MGLL: variants seen among roughly 807,000 people sequenced by gnomAD.
The protein encoded by MGLL is lysophospholipase homolog.
MGLL carries 7 observed loss-of-function variants against 29.1 expected under a neutral mutation model. That is an observed-to-expected ratio of 0.24 (90% confidence interval 0.14 to 0.45). The LOEUF (loss-of-function observed/expected upper bound fraction) is 0.45, where lower values mean the gene tolerates loss of function less well. Ranked by LOEUF, MGLL falls within the 20% of genes least tolerant of loss-of-function variation. MGLL has a pLI of 0.99. For missense variants in MGLL, 356 were observed against 413.6 expected (o/e 0.86, Z 1.21); for synonymous variants, 148 against 168.3 (o/e 0.88, Z 0.93).
chr3:127,817,925 T>A (rs778231057), intron 2 of MGLL, among the ~76,000 whole-genome samples: 3 of 152,264 alleles, frequency 2.0e-5, no homozygotes, highest in Non-Finnish European at 4.4e-5. Context: ...GCCGTGCTGA[T>A]AGCATCAGTG....
Position 127,734,194 on chromosome 3 carries a change from T to C in MGLL, c.263-11628A>G, listed in dbSNP as rs1393549794. Among the ~76,000 whole-genome samples the C allele has an allele frequency of 3.3e-5, 5 of 152,318 alleles. No individual in the cohort carries two copies. In the East Asian group the frequency reaches 7.7e-4, roughly 23 times the overall value. On this transcript the variant is annotated intron_variant, in intron 3 of 7. Coordinates refer to ENST00000265052, the MANE Select transcript of MGLL (RefSeq NM_007283.7). Reference sequence around the variant, plus strand: ...AATCTACCTTGACCGGGTCTCACTTTCATAACCAGAGGAAAGACGCAACAT... The same window carrying C: ...AATCTACCTTGACCGGGTCTCACTTCCATAACCAGAGGAAAGACGCAACAT...
chr3:127,808,176 T>C (rs2077602862), intron 2 of MGLL, among the ~76,000 whole-genome samples: 1 of 152,216 alleles, frequency 6.6e-6, no homozygotes, highest in Non-Finnish European at 1.5e-5. Context: ...GATGATTCTT[T>C]CAGTTGTGAC....
chr3:127,732,290 T>C (rs979840570), intron 3 of MGLL, among the ~76,000 whole-genome samples: 2 of 152,234 alleles, frequency 1.3e-5, no homozygotes, highest in African/African-American at 4.8e-5. Flanking sequence ...GTTTCATTTG[T>C]TCCCCACAAG....
intron 3 of MGLL, among the ~76,000 whole-genome samples, chr3:127,740,348 G>A (rs1446322739): frequency 6.6e-6 from 1 of 152,064 alleles, no homozygotes. Context: ...CCCACCCCCT[G>A]GCAACCACCA....
At chr3:127,799,245 T>C (rs2077437229) in intron 2 of MGLL, among the ~76,000 whole-genome samples, 1 of 152,142 alleles carries the variant, frequency 6.6e-6, no homozygotes, top group Non-Finnish European at 1.5e-5. Flanking sequence ...TTGACATAAG[T>C]AGCCTGAGCA....
intron 5 of MGLL, among the ~76,000 whole-genome samples, chr3:127,717,891 G>A (rs1458383394): frequency 6.6e-6 from 1 of 152,198 alleles, no homozygotes; most frequent in African/African-American, 2.4e-5. Context: ...CGAGCCGCGA[G>A]CCATGGTGAA....
chr3:127,818,505 A>G lies in MGLL; in HGVS notation c.155+3189T>C, dbSNP rs186624993. Reference sequence around the variant, plus strand: ...GCTACAGATGTGTACCACGGAACCCAGCTGATTTCCCACCTTTGATATATT... The same window carrying G: ...GCTACAGATGTGTACCACGGAACCCGGCTGATTTCCCACCTTTGATATATT... On this transcript the variant is annotated intron_variant, in intron 2 of 7. Coordinates refer to ENST00000265052, the MANE Select transcript of MGLL (RefSeq NM_007283.7). Among the ~76,000 whole-genome samples, 15 of 152,254 alleles carry G rather than the reference A, an allele frequency of 9.9e-5. No homozygotes were observed. In the East Asian group the frequency reaches 1.9e-3, roughly 20 times the overall value.
chr3:127,793,446 C>T (rs963638589), intron 2 of MGLL, among the ~76,000 whole-genome samples: 5 of 152,234 alleles, frequency 3.3e-5, no homozygotes, highest in African/African-American at 1.2e-4. Context: ...GGGCTAAGGG[C>T]TCTCTATTCA....
At chr3:127,723,624 C>G (rs958726459) in intron 3 of MGLL, among the ~76,000 whole-genome samples, 1 of 152,184 alleles carries the variant, frequency 6.6e-6, no homozygotes, top group Admixed American at 6.5e-5. Context: ...AGCACTCCCC[C>G]TTTCCTTGCC....
At chr3:127,704,378 G>T (rs969684083) in intron 6 of MGLL, among the ~76,000 whole-genome samples, 3 of 152,142 alleles carry the variant, frequency 2.0e-5, no homozygotes, top group Admixed American at 6.5e-5. Flanking sequence ...ATTAACAAAT[G>T]GTATCTAATT....
In MGLL at chr3:127,708,195, G is replaced by A. The variant is rs761164413; in HGVS notation, c.600+2381C>T. Among the ~76,000 whole-genome samples the A allele has an allele frequency of 2.0e-5, 3 of 152,220 alleles. No homozygotes were observed. In the South Asian group the frequency reaches 6.2e-4, roughly 32 times the overall value. On this transcript the variant is annotated intron_variant, in intron 6 of 7. Coordinates refer to ENST00000265052, the MANE Select transcript of MGLL (RefSeq NM_007283.7). ...TTTCCCAACACATTTTCCCCTCAGC[G>A]TTGCTATTTTTAAAGCTCAGCAGAA...
chr3:127,730,300 C>T (rs908970515), intron 3 of MGLL, among the ~76,000 whole-genome samples: 1 of 151,990 alleles, frequency 6.6e-6, no homozygotes, highest in African/African-American at 2.4e-5. Context: ...GTGTCGTGGT[C>T]CGACGGCCCC....
chr3:127,783,327 T>C (rs2077161237), intron 2 of MGLL, among the ~76,000 whole-genome samples: 1 of 152,140 alleles, frequency 6.6e-6, no homozygotes, highest in South Asian at 2.1e-4. Flanking sequence ...TCCCAGTGCC[T>C]GATCTGGCAA....
intron 3 of MGLL, among the ~76,000 whole-genome samples, chr3:127,773,969 T>G (rs542130962): frequency 3.9e-5 from 6 of 152,280 alleles, no homozygotes; most frequent in African/African-American, 1.4e-4. Context: ...ACTCCCTGAC[T>G]TCGCCCTGCA....
chr3:127,735,741 C>T (rs1371471622), intron 3 of MGLL: 1 of 1,598,196 alleles, frequency 6.3e-7, no homozygotes, highest in African/African-American at 1.3e-5. Flanking sequence ...TGCTCGCTCC[C>T]CGCCTTCTCC....
chr3:127,746,572 CA>C (rs1559941005), intron 3 of MGLL, among the ~76,000 whole-genome samples: 1 of 152,166 alleles, frequency 6.6e-6, no homozygotes, highest in Non-Finnish European at 1.5e-5. Context: ...CTATGTTTCC[CA>C]CCTGTCTGGA....
intron 3 of MGLL, among the ~76,000 whole-genome samples, chr3:127,745,819 C>T (rs1481519943): frequency 4.6e-5 from 7 of 152,140 alleles, no homozygotes; most frequent in Non-Finnish European, 1.0e-4. Flanking sequence ...TGAAAGAGTC[C>T]CAGCCCCCAT....
chr3:127,768,670 C>T (rs2076897806), intron 3 of MGLL, among the ~76,000 whole-genome samples: 2 of 152,222 alleles, frequency 1.3e-5, no homozygotes, highest in Non-Finnish European at 2.9e-5. Flanking sequence ...CCTTCCCCCT[C>T]CCCTGGATAG....
chr3:127,702,777 C>T (rs2075518647), intron 6 of MGLL, among the ~76,000 whole-genome samples: 1 of 152,224 alleles, frequency 6.6e-6, no homozygotes, highest in South Asian at 2.1e-4. Context: ...TCACTGCAAC[C>T]TCTGCCTCCC....
Sources: gnomAD v4.1 joint callset for allele counts (sites outside exome capture counted in the v4.1 genomes callset) on GRCh38, gnomAD v4.1.1 for gene constraint, MANE v1.5 for transcripts, NCBI Gene and HGNC (gene_info 2026-07-23, HGNC 2026-07-21) for gene names.